SGMS1: variants seen among roughly 807,000 people sequenced by gnomAD.
SGMS1 encodes the protein phosphatidylcholine:ceramide cholinephosphotransferase 1.
Under a neutral mutation model 46.2 loss-of-function variants are expected in SGMS1, and 13 were observed. The ratio of observed to expected loss-of-function variants is 0.28; its 90% confidence interval spans 0.18 to 0.45. The LOEUF (loss-of-function observed/expected upper bound fraction) is 0.45. Ranked by LOEUF, SGMS1 falls within the 20% of genes least tolerant of loss-of-function variation. The pLI is 1.00. For missense variants in SGMS1, 324 were observed against 519.9 expected, an observed-to-expected ratio of 0.62 and a Z score of 3.66; for synonymous variants, 203 against 187.8, an observed-to-expected ratio of 1.08 and a Z score of -0.66.
chr10:50,308,514 C>A (rs1001355659), intron 9 of SGMS1, among the ~76,000 whole-genome samples: 1 of 152,030 alleles, frequency 6.6e-6, no homozygotes, highest in Non-Finnish European at 1.5e-5. Flanking sequence ...ATGCTCTACA[C>A]AAAAATCAAT....
chr10:50,539,653 C>T (rs1195623449), intron 2 of SGMS1, among the ~76,000 whole-genome samples: 8 of 152,164 alleles, frequency 5.3e-5, no homozygotes, highest in Non-Finnish European at 1.0e-4. Context: ...TTAACCATCC[C>T]CACATGTTTC....
At chr10:50,508,682 C>T (rs1837728497) in intron 3 of SGMS1, among the ~76,000 whole-genome samples, 1 of 152,148 alleles carries the variant, frequency 6.6e-6, no homozygotes, top group African/African-American at 2.4e-5. Context: ...TTGTGGGTAA[C>T]TGCCAATTCT....
At position 50,495,035 on chromosome 10, in the gene SGMS1, C is replaced by CA. The variant is rs1428797071; in HGVS notation, c.-498+24795dup. ...TGGGCGACAGAGCGAGACTCCGTCTCAAAAAAAAAAATAAAATAAAAAAAA... is the reference window on the plus strand; with the variant it reads ...TGGGCGACAGAGCGAGACTCCGTCTCAAAAAAAAAAAATAAAATAAAAAAAA... On this transcript the variant is annotated intron_variant, in intron 3 of 10. Transcript: ENST00000361781. Among the ~76,000 whole-genome samples, 179 of 50,756 alleles carry CA rather than the reference C, an allele frequency of 3.5e-3. 4 individuals are homozygous for CA. Among genetic ancestry groups the CA allele is most frequent in the Middle Eastern group, 0.02 (1 of 50 alleles). The allele number at this position is 50,756 out of a possible 152,430, so 33.3% of individuals were successfully genotyped here.
chr10:50,394,563 A>C (rs927981921), intron 6 of SGMS1, among the ~76,000 whole-genome samples: 2 of 152,262 alleles, frequency 1.3e-5, no homozygotes, highest in Admixed American at 6.5e-5. Context: ...GTGGTTTTGA[A>C]ATAGATCTGC....
At chr10:50,530,916 G>C (rs1489587360) in intron 2 of SGMS1, among the ~76,000 whole-genome samples, 1 of 152,104 alleles carries the variant, frequency 6.6e-6, no homozygotes, top group African/African-American at 2.4e-5. Context: ...TGAAAATGTA[G>C]AAATAAACAC....
intron 6 of SGMS1, among the ~76,000 whole-genome samples, chr10:50,346,885 A>T (rs1028310874): frequency 2.0e-5 from 3 of 151,688 alleles, no homozygotes; most frequent in Non-Finnish European, 2.9e-5. Context: ...ATATCTGTAG[A>T]GATTGGGGTG....
chr10:50,552,431 G>C (rs1004598618), intron 2 of SGMS1, among the ~76,000 whole-genome samples: 4 of 152,118 alleles, frequency 2.6e-5, no homozygotes, highest in African/African-American at 9.7e-5. Context: ...AGGAATCCTG[G>C]GTTTGACAAG....
At chr10:50,347,138 G>A (rs560575801) in intron 6 of SGMS1, among the ~76,000 whole-genome samples, 37 of 152,292 alleles carry the variant, frequency 2.4e-4, no homozygotes, top group African/African-American at 8.9e-4. Context: ...CTGTGACTAA[G>A]TGTCTGTCTA....
In SGMS1 at chr10:50,372,819, T is replaced by C. The variant is rs184391683; in HGVS notation, c.-231-28474A>G. ...AAAAATCAGTGAGCCCTACTGGCCT[T>C]GGTAAAAAATTTCTTAAATATATAA... On this transcript the variant is annotated intron_variant, in intron 6 of 10. Coordinates refer to ENST00000361781, the MANE Select transcript of SGMS1 (RefSeq NM_147156.4). 3.9e-3 allele frequency among the ~76,000 whole-genome samples: 596 copies of C among 152,320 alleles called. 9 individuals carry two copies. Among genetic ancestry groups the C allele is most frequent in the African/African-American group, 0.014 (572 of 41,578 alleles).
chr10:50,317,820 T>TTA (rs1554921832), intron 8 of SGMS1, among the ~76,000 whole-genome samples: 1 of 150,916 alleles, frequency 6.6e-6, no homozygotes. Flanking sequence ...TTTTTTTTTT[T>TTA]AGACAGTCTC....
chr10:50,576,781 T>G (rs1838389296), intron 2 of SGMS1, among the ~76,000 whole-genome samples: 1 of 152,218 alleles, frequency 6.6e-6, no homozygotes, highest in Non-Finnish European at 1.5e-5. Flanking sequence ...ATACATAAGC[T>G]TCTGCCAATA....
intron 2 of SGMS1, among the ~76,000 whole-genome samples, chr10:50,571,283 G>A (rs1366710963): frequency 6.6e-6 from 1 of 152,216 alleles, no homozygotes. Flanking sequence ...CTATTGCCCA[G>A]GCAGCTCACA....
chr10:50,595,200 G>T (rs1838578982), intron 1 of SGMS1, among the ~76,000 whole-genome samples: 2 of 151,176 alleles, frequency 1.3e-5, no homozygotes, highest in Admixed American at 1.3e-4. Flanking sequence ...TTTTGAGATG[G>T]AGTCCCGCTC....
intron 9 of SGMS1, among the ~76,000 whole-genome samples, chr10:50,309,024 G>T (rs2842086): frequency 1.3e-5 from 2 of 152,068 alleles, no homozygotes. Flanking sequence ...AGGCAAGGAG[G>T]CTGCCTTTGT....
chr10:50,503,421 T>A (rs1488619923), intron 3 of SGMS1, among the ~76,000 whole-genome samples: 4 of 152,168 alleles, frequency 2.6e-5, no homozygotes, highest in Admixed American at 2.6e-4. Context: ...GGTTCCTGCC[T>A]TAACTGATGA....
intron 3 of SGMS1, among the ~76,000 whole-genome samples, chr10:50,494,504 T>C (rs1245038629): frequency 6.6e-6 from 1 of 152,198 alleles, no homozygotes; most frequent in Non-Finnish European, 1.5e-5. Flanking sequence ...GAGGCCATTA[T>C]CCTTAGCAAA....
chr10:50,445,574 G>A (rs1416171023), intron 5 of SGMS1, among the ~76,000 whole-genome samples: 1 of 152,124 alleles, frequency 6.6e-6, no homozygotes, highest in African/African-American at 2.4e-5. Flanking sequence ...AAGATTTCAT[G>A]GACACTTATC....
intron 7 of SGMS1, chr10:50,334,724 G>T (rs930299252): frequency 2.6e-5 from 4 of 152,212 alleles, no homozygotes; most frequent in Admixed American, 2.0e-4. Flanking sequence ...GCGGAATACA[G>T]CAGTGAACAG....
chr10:50,615,358 C>T (rs1471362624), intron 1 of SGMS1, among the ~76,000 whole-genome samples: 1 of 152,214 alleles, frequency 6.6e-6, no homozygotes, highest in Non-Finnish European at 1.5e-5. Flanking sequence ...TAACAGCTAA[C>T]ATTTATGTTG....
Sources: allele counts gnomAD v4.1 joint callset (sites outside exome capture counted in the v4.1 genomes callset), GRCh38; gene constraint gnomAD v4.1.1; transcripts MANE v1.5; gene names NCBI Gene and HGNC (gene_info 2026-07-23, HGNC 2026-07-21).